The following MGA variants were observed in gnomAD, a reference collection of about 807,000 sequenced individuals.
MGA encodes MAX gene-associated protein.
A neutral mutation model predicts 261.1 loss-of-function variants in MGA; 40 were observed. That is an observed-to-expected ratio of 0.15 (90% CI 0.12 to 0.20). The LOEUF (loss-of-function observed/expected upper bound fraction) is 0.20, where lower values mean the gene tolerates loss of function less well. Ranked by LOEUF, MGA falls within the 10% of genes least tolerant of loss-of-function variation. The pLI is 1.00. For synonymous variants in MGA, 1,302 were observed against 1,290.6 expected, an observed-to-expected ratio of 1.01 and a Z score of -0.19; for missense variants, 3,397 against 3,630.5, an observed-to-expected ratio of 0.94 and a Z score of 1.65.
At chr15:41,764,127 C>T (rs1365650142) in intron 22 of MGA, among the ~76,000 whole-genome samples, 1 of 151,080 alleles carries the variant, frequency 6.6e-6, no homozygotes, top group Non-Finnish European at 1.5e-5. Flanking sequence ...CCACTGTGCT[C>T]TAGCCTGTGT....
At chr15:41,623,582 TAAAAATACAAAA>T (rs2056363876) in intron 1 of MGA, among the ~76,000 whole-genome samples, 1 of 151,810 alleles carries the variant, frequency 6.6e-6, no homozygotes, top group Non-Finnish European at 1.5e-5. Flanking sequence ...CCGTCTCGAC[TAAAAATACAAAA>T]TTAGCCGGGT....
chr15:41,667,978 A>AT (rs2057849425), intron 1 of MGA, among the ~76,000 whole-genome samples: 1 of 151,538 alleles, frequency 6.6e-6, no homozygotes, highest in Non-Finnish European at 1.5e-5. Context: ...TAATTTTTTA[A>AT]TTTTTAATAG....
At chr15:41,689,807 C>G (rs1440398924) in intron 2 of MGA, among the ~76,000 whole-genome samples, 3 of 152,128 alleles carry the variant, frequency 2.0e-5, no homozygotes, top group African/African-American at 7.2e-5. Flanking sequence ...CTCAAGTGAT[C>G]TGTCCACCTC....
Position 41,750,508 on chromosome 15 carries a change from T to A in MGA, c.6901T>A (p.Leu2301Met). 2 of 1,613,796 alleles carry A rather than the reference T, an allele frequency of 1.2e-6. No individual in the cohort carries two copies. Among genetic ancestry groups the A allele is most frequent in the East Asian group, 4.5e-5 (2 of 44,874 alleles). ...CAGTGCTGACTTCACTGTTTTGGAT[T>A]TGGAAGAAGATGATGAAGATGATAA... The change falls in exon 17 of 24, where the codon TTG becomes ATG. Residue 2301 changes from leucine (L) to methionine (M), a missense_variant. Physicochemically the swap from Leu to Met is conservative, Grantham distance 15. Transcript: ENST00000219905.
intron 2 of MGA, 45 bp from the exon 3 acceptor site, chr15:41,696,030 G>A: frequency 1.5e-6 from 2 of 1,332,770 alleles, no homozygotes; most frequent in Non-Finnish European, 2.1e-6. Flanking sequence ...CTTGTTAATG[G>A]ATCATTTTGT....
intron 1 of MGA, among the ~76,000 whole-genome samples, chr15:41,627,967 CAAAT>C (rs1372933547): frequency 6.6e-6 from 1 of 152,154 alleles, no homozygotes; most frequent in Admixed American, 6.5e-5. Context: ...AATTCAACAA[CAAAT>C]AATTAATGAG....
intron 5 of MGA, among the ~76,000 whole-genome samples, chr15:41,705,827 A>T (rs1235530466): frequency 6.6e-6 from 1 of 152,238 alleles, no homozygotes; most frequent in Non-Finnish European, 1.5e-5. Context: ...TAAAGGCAAG[A>T]TTAGAAATCA....
intron 1 of MGA, among the ~76,000 whole-genome samples, chr15:41,661,698 C>CA (rs1042838657): frequency 7.9e-5 from 12 of 152,168 alleles, no homozygotes; most frequent in African/African-American, 2.7e-4. Context: ...TAGAGCTTGC[C>CA]AGGCTTATGC....
At chr15:41,757,693 CTG>C in intron 18 of MGA, 93 bp from the exon 19 acceptor site, 1 of 906,098 alleles carries the variant, frequency 1.1e-6, no homozygotes, top group Non-Finnish European at 1.7e-6. Context: ...GAAAAAGAAA[CTG>C]GTTGTAATTT....
rs1405975970 is a variant in MGA at position 41,696,488 on chromosome 15, C to T, written c.1478C>T (p.Thr493Ile). 8 of 1,613,894 alleles carry T rather than the reference C, an allele frequency of 5.0e-6. No individual in the cohort carries two copies. The highest frequency in any genetic ancestry group is 1.7e-5 in the Admixed American group (1 of 60,010). Residue 493 changes from threonine to isoleucine, a missense_variant, in exon 3 of 24, where the codon ACA (threonine) becomes ATA (isoleucine). Thr to Ile is a moderately conservative substitution (Grantham distance 89). This residue lies in a region of MGA where 563 missense variants were observed against 563.6 expected (regional missense o/e 1.00). Transcript: ENST00000219905. ...GAACTCCCCGATAACATGCTTTCCA[C>T]ATCTCGAAAGGATAAATCTTCTATG...
chr15:41,654,010 T>G (rs758365322), intron 1 of MGA, among the ~76,000 whole-genome samples: 1 of 152,168 alleles, frequency 6.6e-6, no homozygotes, highest in Non-Finnish European at 1.5e-5. Flanking sequence ...CCACCCTGAT[T>G]CCCAAAGTAG....
chr15:41,765,050 G>A lies in MGA; in HGVS notation c.7909G>A (p.Val2637Met). ...TAAGCCTCAAGTTGCCGGTAGTGCT[G>A]TGGCTCTACCAGGTATGTTGTAAGT... The change falls in exon 23 of 24, where the codon GTG becomes ATG. Residue 2637 changes from valine (V) to methionine (M), a missense_variant. Coordinates refer to ENST00000219905, the MANE Select transcript of MGA (RefSeq NM_001164273.2). 1 of 1,613,878 alleles carries A rather than the reference G, an allele frequency of 6.2e-7. No individual in the cohort carries two copies.
chr15:41,745,286 A>T (rs1172398913), intron 15 of MGA, among the ~76,000 whole-genome samples: 10 of 138,448 alleles, frequency 7.2e-5, no homozygotes, highest in East Asian at 2.0e-4. Context: ...ATCAATAAAA[A>T]AAAAAAAAAA....
chr15:41,719,867 G>A (rs552262810), intron 9 of MGA, among the ~76,000 whole-genome samples: 9 of 152,262 alleles, frequency 5.9e-5, no homozygotes, highest in Admixed American at 2.0e-4. Flanking sequence ...GAATATTTAT[G>A]TAATTTGCTG....
intron 1 of MGA, among the ~76,000 whole-genome samples, chr15:41,653,916 G>C (rs761459024): frequency 1.3e-5 from 2 of 152,066 alleles, no homozygotes; most frequent in Non-Finnish European, 2.9e-5. Flanking sequence ...GTCTGACCTT[G>C]GTTTCACTAC....
chr15:41,665,507 C>G (rs553510562), intron 1 of MGA, among the ~76,000 whole-genome samples: 20 of 152,030 alleles, frequency 1.3e-4, no homozygotes, highest in Admixed American at 1.1e-3. Flanking sequence ...GATCCTCTCA[C>G]CTCAGCCACT....
Position 41,710,915 on chromosome 15 carries a change from T to C in MGA, c.2650T>C (p.Tyr884His). Residue 884 changes from tyrosine to histidine, a missense_variant, in exon 8 of 24, where the codon TAT (tyrosine) becomes CAT (histidine). Tyr to His is a moderately conservative substitution (Grantham distance 83). Coordinates refer to ENST00000219905, the MANE Select transcript of MGA (RefSeq NM_001164273.2). ...ATCTACTATTTCCCCTTCTACCTCT[T>C]ATTCTTTGAAACCTCATTCTGTACC... The C allele has an allele frequency of 6.2e-7, 1 of 1,613,984 alleles. No individual in the cohort carries two copies. The highest frequency in any genetic ancestry group is 8.5e-7 in the Non-Finnish European group (1 of 1,179,868).
intron 2 of MGA, among the ~76,000 whole-genome samples, chr15:41,670,518 T>G (rs912395423): frequency 6.6e-6 from 1 of 152,186 alleles, no homozygotes; most frequent in African/African-American, 2.4e-5. Context: ...GCATACTATT[T>G]TTTTTGAGAT....
chr15:41,713,958 A>G (rs1435937120), intron 9 of MGA, among the ~76,000 whole-genome samples: 1 of 152,186 alleles, frequency 6.6e-6, no homozygotes, highest in African/African-American at 2.4e-5. Flanking sequence ...GCTGAACATC[A>G]TGTACTGTGT....
Sources: gnomAD v4.1 joint callset for allele counts (sites outside exome capture counted in the v4.1 genomes callset) on GRCh38, gnomAD v4.1.1 for gene constraint, gnomAD v4.1.1 regional missense constraint, MANE v1.5 for transcripts, NCBI Gene and HGNC (gene_info 2026-07-23, HGNC 2026-07-21) for gene names.